The following SLC44A5 variants were observed in gnomAD, a reference collection of about 807,000 sequenced individuals.
SLC44A5 encodes the protein solute carrier family 44 member 5.
In SLC44A5, 57 loss-of-function variants were observed where a neutral mutation model predicts 101.8. That is an observed-to-expected ratio of 0.56 (90% CI 0.45 to 0.70). The LOEUF is 0.70. Ranked by LOEUF, SLC44A5 falls within the 30% of genes least tolerant of loss-of-function variation. SLC44A5 has a pLI of 0.00. For synonymous variants in SLC44A5, 281 were observed against 290.9 expected (o/e 0.97, Z 0.35); for missense variants, 737 against 853.1 (o/e 0.86, Z 1.70).
intron 1 of SLC44A5, among the ~76,000 whole-genome samples, chr1:75,543,790 A>G (rs1193959320): frequency 1.3e-5 from 2 of 151,564 alleles, no homozygotes; most frequent in Non-Finnish European, 2.9e-5. Context: ...AAGAAGCCCA[A>G]CCTTGTTTGC....
At chr1:75,704,330 A>G in the SLC44A5 span, among the ~76,000 whole-genome samples, 1 of 152,032 alleles carries the variant, frequency 6.6e-6, no homozygotes, top group Non-Finnish European at 1.5e-5. Flanking sequence ...TAACAACAGG[A>G]AAATAAAGCT....
intron 3 of SLC44A5, among the ~76,000 whole-genome samples, chr1:75,369,317 T>C (rs1312200119): frequency 6.6e-6 from 1 of 152,156 alleles, no homozygotes; most frequent in Non-Finnish European, 1.5e-5. Flanking sequence ...TGCTCCTGGC[T>C]TCTTCTTACT....
At chr1:75,409,805 T>TC (rs1282411235) in intron 2 of SLC44A5, among the ~76,000 whole-genome samples, 1 of 152,120 alleles carries the variant, frequency 6.6e-6, no homozygotes, top group Non-Finnish European at 1.5e-5. Flanking sequence ...GGCAGGAGTC[T>TC]CCCAATGCCT....
intron 3 of SLC44A5, among the ~76,000 whole-genome samples, chr1:75,383,406 G>A (rs370793751): frequency 4.9e-4 from 73 of 150,508 alleles, no homozygotes; most frequent in South Asian, 1.1e-3. Flanking sequence ...CAAATCTCTC[G>A]TCCCACCTTA....
At position 75,555,051 on chromosome 1, in the gene SLC44A5, G is replaced by A. The variant is rs916247604; in HGVS notation, c.-69-13535C>T. Among the ~76,000 whole-genome samples, 45 of 152,090 alleles carry A rather than the reference G, an allele frequency of 3.0e-4. 1 individual carries two copies. The highest frequency in any genetic ancestry group is 2.4e-3 in the Admixed American group (37 of 15,250). On this transcript the variant is annotated intron_variant, in intron 1 of 23. Coordinates refer to ENST00000370859, the MANE Select transcript of SLC44A5 (RefSeq NM_001130058.2). ...AACAAATAAAGACAGTACACTTAACGCCAACATTTCAACAATTACATTAAA... is the reference window on the plus strand; with the variant it reads ...AACAAATAAAGACAGTACACTTAACACCAACATTTCAACAATTACATTAAA...
At chr1:75,617,088 T>G in the SLC44A5 span, among the ~76,000 whole-genome samples, 108,176 of 151,964 alleles carry the variant, frequency 0.71, 38,853 homozygotes, top group East Asian at 0.96. Context: ...TAAAGGAGTA[T>G]CGGACCTTAA....
chr1:75,533,621 C>A (rs1421160647), intron 2 of SLC44A5, among the ~76,000 whole-genome samples: 1 of 152,166 alleles, frequency 6.6e-6, no homozygotes, highest in Non-Finnish European at 1.5e-5. Context: ...CTGACGTTAT[C>A]CATGTTATTA....
At chr1:75,418,173 G>A (rs949720156) in intron 2 of SLC44A5, among the ~76,000 whole-genome samples, 14 of 152,148 alleles carry the variant, frequency 9.2e-5, no homozygotes, top group African/African-American at 3.1e-4. Context: ...GTGTAATGAT[G>A]CAGAGCATGG....
chr1:75,334,994 G>C (rs563611633), intron 4 of SLC44A5, among the ~76,000 whole-genome samples: 2 of 152,258 alleles, frequency 1.3e-5, no homozygotes, highest in African/African-American at 4.8e-5. Context: ...ACATACAGCT[G>C]TACATTGCAG....
At chr1:75,339,701 A>T (rs915890792) in intron 3 of SLC44A5, 71 bp from the exon 4 acceptor site, 4 of 1,358,732 alleles carry the variant, frequency 2.9e-6, no homozygotes, top group Non-Finnish European at 4.1e-6. Flanking sequence ...TTAATGAAGA[A>T]ATATCTACAT....
chr1:75,293,501 C>T (rs1018944881), intron 5 of SLC44A5, among the ~76,000 whole-genome samples: 3 of 152,162 alleles, frequency 2.0e-5, no homozygotes, highest in Non-Finnish European at 2.9e-5. Context: ...TACATTTTAA[C>T]TGTTTTAATA....
intron 2 of SLC44A5, among the ~76,000 whole-genome samples, chr1:75,463,050 A>G (rs1666593005): frequency 6.6e-6 from 1 of 152,160 alleles, no homozygotes; most frequent in Admixed American, 6.5e-5. Flanking sequence ...AAGGTTATAG[A>G]ACATCAAGCA....
chr1:75,561,583 G>A lies in SLC44A5; in HGVS notation c.-69-20067C>T, dbSNP rs563599171. 1.9e-4 allele frequency among the ~76,000 whole-genome samples: 29 copies of A among 152,092 alleles called. No homozygotes were observed. In the Middle Eastern group the frequency reaches 0.01, roughly 54 times the overall value. ...AAACACTGAATGCATTTAACATTTA[G>A]GAAGCATTGGAAGAGTCCTACAATT... is the stretch of plus-strand genomic sequence containing the variant. On this transcript the variant is annotated intron_variant, in intron 1 of 23. Transcript: ENST00000370859.
At chr1:75,636,633 CTT>C in the SLC44A5 span, among the ~76,000 whole-genome samples, 1 of 151,962 alleles carries the variant, frequency 6.6e-6, no homozygotes, top group Non-Finnish European at 1.5e-5. Flanking sequence ...TGATGTAGTT[CTT>C]GTTTTTATTA....
intron 2 of SLC44A5, among the ~76,000 whole-genome samples, chr1:75,478,855 T>C (rs1260657663): frequency 5.9e-5 from 9 of 152,120 alleles, no homozygotes; most frequent in Middle Eastern, 3.4e-3. Flanking sequence ...GACAGAAAGT[T>C]AACAAGGATA....
chr1:75,405,158 A>G (rs1662764289), intron 2 of SLC44A5, among the ~76,000 whole-genome samples: 1 of 152,230 alleles, frequency 6.6e-6, no homozygotes, highest in Non-Finnish European at 1.5e-5. Flanking sequence ...TATCCTAAAT[A>G]TATATGCACC....
chr1:75,308,587 T>TA (rs1655075631), intron 4 of SLC44A5, among the ~76,000 whole-genome samples: 1 of 152,216 alleles, frequency 6.6e-6, no homozygotes, highest in Non-Finnish European at 1.5e-5. Context: ...AGATCACAGT[T>TA]ACTGCTTATA....
intron 23 of SLC44A5, chr1:75,204,606 C>T (rs529230566): frequency 6.6e-6 from 1 of 152,152 alleles, no homozygotes; most frequent in South Asian, 2.1e-4. Context: ...ATTTCAGCCT[C>T]CCAAGTAGCT....
At chr1:75,386,294 G>A (rs370631093) in intron 3 of SLC44A5, among the ~76,000 whole-genome samples, 12,968 of 152,148 alleles carry the variant, frequency 0.085, 700 homozygotes, top group Admixed American at 0.18. Flanking sequence ...TGACATGATT[G>A]TATATCTAGA....
Sources: gnomAD v4.1 joint callset for allele counts (sites outside exome capture counted in the v4.1 genomes callset) on GRCh38, gnomAD v4.1.1 for gene constraint, MANE v1.5 for transcripts, NCBI Gene and HGNC (gene_info 2026-07-23, HGNC 2026-07-21) for gene names.